VPS54: variants seen among roughly 807,000 people sequenced by gnomAD.
VPS54 encodes VPS54 subunit of GARP complex, also known as vacuolar protein sorting-associated protein 54.
VPS54 carries 45 observed loss-of-function variants against 121.5 expected under a neutral mutation model. That is an observed-to-expected ratio of 0.37 (90% confidence interval 0.29 to 0.47). The LOEUF (loss-of-function observed/expected upper bound fraction) is 0.47, where lower values mean the gene tolerates loss of function less well. Among genes scored for constraint, VPS54 ranks in the 20% least tolerant of loss-of-function variants. VPS54 has a pLI of 0.99. For synonymous variants in VPS54, 371 were observed against 385.8 expected (o/e 0.96, Z 0.45); for missense variants, 1,090 against 1,131.4 (o/e 0.96, Z 0.52).
chr2:63,927,851 A>T (rs2104469166), intron 12 of VPS54, among the ~76,000 whole-genome samples: 1 of 152,346 alleles, frequency 6.6e-6, no homozygotes, highest in African/African-American at 2.4e-5. Context: ...ACAGTACAAG[A>T]ACTTTGTGAA....
At chr2:63,917,853 A>G (rs966957276) in intron 15 of VPS54, among the ~76,000 whole-genome samples, 3 of 152,004 alleles carry the variant, frequency 2.0e-5, no homozygotes, top group Admixed American at 6.5e-5. Flanking sequence ...GTAACCTTAG[A>G]CAAGTTGCTT....
At chr2:63,920,360 C>T in intron 14 of VPS54, 86 bp downstream of exon 14, 1 of 1,257,942 alleles carries the variant, frequency 7.9e-7, no homozygotes, top group Non-Finnish European at 1.0e-6. Context: ...TTTCACTGGC[C>T]AATTAGGTTT....
intron 3 of VPS54, among the ~76,000 whole-genome samples, chr2:63,973,936 T>C (rs1375357835): frequency 1.3e-5 from 2 of 152,182 alleles, no homozygotes; most frequent in South Asian, 2.1e-4. Flanking sequence ...TTTCACAGAG[T>C]AGAACTTTTT....
At chr2:63,893,684 C>T (rs567814418) in intron 22 of VPS54, 149 bp from the exon 23 acceptor site, 273 of 653,490 alleles carry the variant, frequency 4.2e-4, no homozygotes, top group Non-Finnish European at 4.0e-4. Flanking sequence ...AGCAGGATTC[C>T]TGCTATGAAT....
intron 4 of VPS54, 98 bp from the exon 5 acceptor site, chr2:63,969,089 T>C (rs1676148718): frequency 2.1e-6 from 2 of 949,552 alleles, no homozygotes; most frequent in Non-Finnish European, 3.2e-6. Flanking sequence ...CTGGGTCACA[T>C]CCAAATAACT....
At chr2:63,952,141 T>A (rs1421252476) in intron 7 of VPS54, among the ~76,000 whole-genome samples, 1 of 152,210 alleles carries the variant, frequency 6.6e-6, no homozygotes, top group East Asian at 1.9e-4. Flanking sequence ...TTTGAGTTAC[T>A]GTGCAACATC....
At chr2:63,921,150 C>G in intron 13 of VPS54, 56 bp downstream of exon 13, 1 of 1,524,324 alleles carries the variant, frequency 6.6e-7, no homozygotes, top group Non-Finnish European at 8.8e-7. Context: ...AGACATAATT[C>G]CAGATCTTCA....
intron 12 of VPS54, among the ~76,000 whole-genome samples, chr2:63,925,365 A>C (rs919304119): frequency 6.6e-6 from 1 of 152,242 alleles, no homozygotes; most frequent in African/African-American, 2.4e-5. Flanking sequence ...AACATGTAAA[A>C]GACTGGCAAT....
intron 15 of VPS54, 45 bp downstream of exon 15, chr2:63,919,838 A>G: frequency 7.2e-7 from 1 of 1,396,342 alleles, no homozygotes; most frequent in Non-Finnish European, 9.7e-7. Context: ...CAAAATAAAT[A>G]AACAATATAA....
intron 6 of VPS54, among the ~76,000 whole-genome samples, chr2:63,963,509 G>C (rs767983825): frequency 6.6e-6 from 1 of 151,836 alleles, no homozygotes; most frequent in Non-Finnish European, 1.5e-5. Context: ...AGTTTCAAAG[G>C]GTTAATGAAC....
At chr2:63,936,600 C>A (rs1297282783) in intron 11 of VPS54, among the ~76,000 whole-genome samples, 1 of 152,078 alleles carries the variant, frequency 6.6e-6, no homozygotes, top group Non-Finnish European at 1.5e-5. Flanking sequence ...GCTAAGAATT[C>A]CTTGAAAAGA....
intron 7 of VPS54, among the ~76,000 whole-genome samples, chr2:63,958,442 AC>A (rs1421692643): frequency 6.6e-6 from 1 of 152,202 alleles, no homozygotes; most frequent in African/African-American, 2.4e-5. Flanking sequence ...CTTTTTGAAA[AC>A]AGAGATTTGC....
At chr2:64,007,386 C>T (rs1278108403) in intron 1 of VPS54, among the ~76,000 whole-genome samples, 4 of 152,022 alleles carry the variant, frequency 2.6e-5, no homozygotes, top group Admixed American at 6.5e-5. Context: ...GTAGAGTAGA[C>T]GAGATAAAAA....
chr2:63,906,398 A>C (rs1451103383), intron 20 of VPS54, among the ~76,000 whole-genome samples: 1 of 152,222 alleles, frequency 6.6e-6, no homozygotes, highest in Non-Finnish European at 1.5e-5. Context: ...TTGGAAACGT[A>C]AATCTTAAAA....
chr2:63,945,613 C>T (rs938350301), intron 9 of VPS54, among the ~76,000 whole-genome samples: 2 of 152,110 alleles, frequency 1.3e-5, no homozygotes, highest in African/African-American at 4.8e-5. Context: ...TTATGTATCT[C>T]TCACAGTGTT....
chr2:63,911,681 G>A (rs2104430244), intron 20 of VPS54, among the ~76,000 whole-genome samples: 1 of 152,294 alleles, frequency 6.6e-6, no homozygotes, highest in African/African-American at 2.4e-5. Flanking sequence ...TCTGAAGGAT[G>A]CAAGTAGGAT....
At chr2:64,009,459 G>A (rs1678327167) in intron 1 of VPS54, among the ~76,000 whole-genome samples, 1 of 151,906 alleles carries the variant, frequency 6.6e-6, no homozygotes, top group African/African-American at 2.4e-5. Flanking sequence ...AAGACTACTG[G>A]CACCCAGCAC....
At chr2:63,989,066 A>C (rs1030218100) in intron 1 of VPS54, among the ~76,000 whole-genome samples, 1 of 152,080 alleles carries the variant, frequency 6.6e-6, no homozygotes, top group Non-Finnish European at 1.5e-5. Flanking sequence ...GTAGATAGGG[A>C]TGAAACACGC....
intron 17 of VPS54, 78 bp downstream of exon 17, chr2:63,914,104 T>G (rs1673270892): frequency 8.1e-7 from 1 of 1,229,268 alleles, no homozygotes; most frequent in South Asian, 1.3e-5. Flanking sequence ...TTGAAATGTC[T>G]TTGAGTTAAG....
Sources: allele counts gnomAD v4.1 joint callset (sites outside exome capture counted in the v4.1 genomes callset), GRCh38; gene constraint gnomAD v4.1.1; transcripts MANE v1.5; gene names NCBI Gene and HGNC (gene_info 2026-07-23, HGNC 2026-07-21).